PLS3: variants seen among roughly 807,000 people sequenced by gnomAD.
PLS3 encodes the protein plastin-3.
Under a neutral mutation model 46.5 loss-of-function variants are expected in PLS3, and 11 were observed. That is an observed-to-expected ratio of 0.24 (90% CI 0.15 to 0.39). The LOEUF (loss-of-function observed/expected upper bound fraction) is 0.39. PLS3 is among the 10% of genes least tolerant of loss of function. The probability of loss-of-function intolerance (pLI) is 1.00; values close to 1 mark genes in which losing one functional copy is unlikely to be tolerated. For synonymous variants in PLS3, 167 were observed against 162.2 expected, an observed-to-expected ratio of 1.03 and a Z score of -0.22; for missense variants, 308 against 461.8, an observed-to-expected ratio of 0.67 and a Z score of 3.05.
chrX:115,601,847 A>G (rs182509896), intron 1 of PLS3, among the ~76,000 whole-genome samples: 2 of 111,514 alleles, frequency 1.8e-5, no homozygotes, highest in Middle Eastern at 4.7e-3. Context: ...TTGGCAGAAG[A>G]AAGAGTTAGA....
At chrX:115,594,529 G>A (rs144440232) in intron 1 of PLS3, among the ~76,000 whole-genome samples, 2 of 111,323 alleles carry the variant, frequency 1.8e-5, no homozygotes, top group East Asian at 5.7e-4. Flanking sequence ...TCTGCTTCGT[G>A]TATATAGTGA....
At chrX:115,620,278 AAC>A (rs2074635839) in intron 2 of PLS3, among the ~76,000 whole-genome samples, 1 of 110,813 alleles carries the variant, frequency 9.0e-6, no homozygotes, top group South Asian at 3.9e-4. Context: ...CTTTTCCCGA[AAC>A]ACACCAGACA....
chrX:115,569,030 C>A (rs1237217243), intron 1 of PLS3, among the ~76,000 whole-genome samples: 1 of 51,284 alleles, frequency 1.9e-5, no homozygotes, highest in East Asian at 5.8e-4. Flanking sequence ...AGCACGACTC[C>A]GTTTCAAAAA....
intron 1 of PLS3, among the ~76,000 whole-genome samples, chrX:115,561,676 A>G (rs1488344815): frequency 9.0e-6 from 1 of 110,913 alleles, no homozygotes; most frequent in African/African-American, 3.3e-5. Context: ...GTCCTTCTCC[A>G]GCTACTGCCA....
intron 1 of PLS3, among the ~76,000 whole-genome samples, chrX:115,576,906 T>TC (rs1217541592): frequency 1.8e-5 from 2 of 112,611 alleles, no homozygotes; most frequent in Non-Finnish European, 3.7e-5. Flanking sequence ...TGCCATCGTT[T>TC]GAAGAGCTGA....
intron 2 of PLS3, chrX:115,610,844 G>A: frequency 9.1e-7 from 1 of 1,100,169 alleles, no homozygotes; most frequent in Non-Finnish European, 1.2e-6. Flanking sequence ...TTCAGTATAA[G>A]ATGAGAAGGC....
chrX:115,571,022 G>C (rs1252953172), intron 1 of PLS3, among the ~76,000 whole-genome samples: 1 of 108,008 alleles, frequency 9.3e-6, no homozygotes, highest in Non-Finnish European at 1.9e-5. Context: ...AGCCTCCCGA[G>C]TAGCAGGGAC....
At chrX:115,585,012 T>C (rs781873777) in intron 1 of PLS3, among the ~76,000 whole-genome samples, 5 of 112,145 alleles carry the variant, frequency 4.5e-5, no homozygotes, top group Non-Finnish European at 7.5e-5. Flanking sequence ...TTCCTTTTTG[T>C]ATTTTCTTTC....
At chrX:115,593,677 A>T (rs2074361753) in intron 1 of PLS3, 1 of 111,841 alleles carries the variant, frequency 8.9e-6, no homozygotes, top group Admixed American at 9.6e-5. Context: ...CTTTGAGATT[A>T]CTAAATCTAA....
In PLS3 at chrX:115,619,427, A is replaced by C. The variant is rs141798471; in HGVS notation, c.74-2819A>C. ...TTGGTATATGCATGGGAGCAGGTGTATTTAAGCCCAAGACATTCATAAAAC... is the reference window on the plus strand; with the variant it reads ...TTGGTATATGCATGGGAGCAGGTGTCTTTAAGCCCAAGACATTCATAAAAC... On this transcript the variant is annotated intron_variant, in intron 2 of 15. Coordinates refer to ENST00000355899, the MANE Select transcript of PLS3 (RefSeq NM_005032.7). Among the ~76,000 whole-genome samples, 365 of 112,313 alleles carry C rather than the reference A, an allele frequency of 3.2e-3. 3 individuals carry two copies. The highest frequency in any genetic ancestry group is 0.011 in the African/African-American group (345 of 30,929).
chrX:115,590,058 G>T (rs113011120), intron 1 of PLS3, among the ~76,000 whole-genome samples: 3,775 of 111,172 alleles, frequency 0.034, 85 homozygotes, highest in African/African-American at 0.077. Flanking sequence ...GTTTCACCAC[G>T]TTGGCCAGGC....
intron 9 of PLS3, among the ~76,000 whole-genome samples, chrX:115,641,164 C>T (rs1199448157): frequency 1.1e-4 from 12 of 109,415 alleles, no homozygotes; most frequent in Non-Finnish European, 1.9e-4. Flanking sequence ...ATCCACATAT[C>T]TAGCCTATTA....
intron 1 of PLS3, among the ~76,000 whole-genome samples, chrX:115,604,848 A>T (rs1446532054): frequency 8.9e-6 from 1 of 111,875 alleles, no homozygotes; most frequent in Non-Finnish European, 1.9e-5. Context: ...ACTTAATGTG[A>T]TGTTTTCTCT....
In PLS3 at chrX:115,640,468, G is replaced by A; in HGVS notation, c.952G>A (p.Glu318Lys). 2 of 1,182,556 alleles carry A rather than the reference G, an allele frequency of 1.7e-6. No individual in the cohort carries two copies. Among genetic ancestry groups the A allele is most frequent in the Non-Finnish European group, 2.3e-6 (2 of 869,230 alleles). ...QIAPKGQKEGEPRIDINMSGF... is the reference protein window; with the variant it reads ...QIAPKGQKEGKPRIDINMSGF... Reference sequence around the variant, plus strand: ...CGCACCAAAAGGACAAAAGGAAGGTGAACCACGGATAGATATTAACATGTC... The same window carrying A: ...CGCACCAAAAGGACAAAAGGAAGGTAAACCACGGATAGATATTAACATGTC... The change falls in exon 9 of 16, where the codon GAA becomes AAA. Residue 318 changes from glutamate (E) to lysine (K), a missense_variant. Physicochemically the swap from Glu to Lys is moderately conservative, Grantham distance 56. Coordinates refer to ENST00000355899, the MANE Select transcript of PLS3 (RefSeq NM_005032.7).
chrX:115,613,966 A>AT (rs2074571220), intron 2 of PLS3, among the ~76,000 whole-genome samples: 1 of 110,665 alleles, frequency 9.0e-6, no homozygotes, highest in Non-Finnish European at 1.9e-5. Flanking sequence ...ATTTTTAATT[A>AT]TTTTTTGTTT....
At chrX:115,567,366 G>A (rs1556630256) in intron 1 of PLS3, among the ~76,000 whole-genome samples, 1 of 110,771 alleles carries the variant, frequency 9.0e-6, no homozygotes, top group African/African-American at 3.3e-5. Context: ...GGAGGCCGAG[G>A]TGGGTGGATC....
At chrX:115,592,708 A>G (rs1425501778) in intron 1 of PLS3, among the ~76,000 whole-genome samples, 1 of 111,973 alleles carries the variant, frequency 8.9e-6, no homozygotes, top group African/African-American at 3.2e-5. Flanking sequence ...GCGCCAGACT[A>G]TGATCTAAAT....
intron 5 of PLS3, among the ~76,000 whole-genome samples, 187 bp from the exon 6 acceptor site, chrX:115,633,813 T>C (rs2074803165): frequency 9.2e-6 from 1 of 108,304 alleles, no homozygotes; most frequent in South Asian, 3.7e-4. Flanking sequence ...TTATTTTTAG[T>C]TTTTATTTTC....
At chrX:115,588,323 A>G (rs1202753159) in intron 1 of PLS3, among the ~76,000 whole-genome samples, 1 of 111,931 alleles carries the variant, frequency 8.9e-6, no homozygotes, top group Non-Finnish European at 1.9e-5. Flanking sequence ...GTAGGAGGCC[A>G]GATGTTCTTC....
Sources: allele counts gnomAD v4.1 joint callset (sites outside exome capture counted in the v4.1 genomes callset), GRCh38; gene constraint gnomAD v4.1.1; transcripts MANE v1.5; gene names NCBI Gene and HGNC (gene_info 2026-07-23, HGNC 2026-07-21).